GPC6: variants seen among roughly 807,000 people sequenced by gnomAD.
The protein encoded by GPC6 is glypican-6.
GPC6 carries 14 observed loss-of-function variants against 55.2 expected under a neutral mutation model. The ratio of observed to expected loss-of-function variants is 0.25; its 90% CI spans 0.17 to 0.40. The LOEUF is 0.40. Ranked by LOEUF, GPC6 falls within the 10% of genes least tolerant of loss-of-function variation. The probability of loss-of-function intolerance (pLI) is 1.00; values close to 1 mark genes in which losing one functional copy is unlikely to be tolerated. For synonymous variants in GPC6, 278 were observed against 259.6 expected, an observed-to-expected ratio of 1.07 and a Z score of -0.68; for missense variants, 641 against 708.5, an observed-to-expected ratio of 0.90 and a Z score of 1.08.
intron 4 of GPC6, among the ~76,000 whole-genome samples, chr13:94,032,349 TAGTC>T (rs1159154651): frequency 2.6e-5 from 4 of 152,300 alleles, no homozygotes; most frequent in African/African-American, 9.6e-5. Context: ...GGACTTAACT[TAGTC>T]AGCGGGGAGT....
At chr13:93,581,643 G>T (rs918067084) in intron 2 of GPC6, among the ~76,000 whole-genome samples, 2 of 152,136 alleles carry the variant, frequency 1.3e-5, no homozygotes, top group Non-Finnish European at 2.9e-5. Context: ...GGAGGAGATC[G>T]CAGTGAGCGA....
intron 3 of GPC6, among the ~76,000 whole-genome samples, chr13:93,892,081 C>T (rs1428625919): frequency 2.0e-5 from 3 of 152,000 alleles, no homozygotes; most frequent in African/African-American, 4.8e-5. Context: ...CACATGTACA[C>T]ACTACACATA....
chr13:93,559,675 G>C (rs532374724), intron 2 of GPC6, among the ~76,000 whole-genome samples: 42 of 152,304 alleles, frequency 2.8e-4, no homozygotes, highest in African/African-American at 9.9e-4. Context: ...TTATTAAGTA[G>C]CTATTGATTG....
At chr13:94,288,821 ATATATATTTGT>A (rs1435100393) in intron 5 of GPC6, among the ~76,000 whole-genome samples, 3 of 125,888 alleles carry the variant, frequency 2.4e-5, no homozygotes, top group Admixed American at 9.2e-5. Context: ...TATAATAAAT[ATATATATTTGT>A]TATATATAAC....
At chr13:93,473,827 A>G (rs991443766) in intron 1 of GPC6, among the ~76,000 whole-genome samples, 2 of 152,252 alleles carry the variant, frequency 1.3e-5, no homozygotes, top group South Asian at 4.1e-4. Flanking sequence ...GTGGCGACAC[A>G]GGGCCGAATC....
chr13:93,330,193 G>A (rs1055656090), intron 1 of GPC6, among the ~76,000 whole-genome samples: 1 of 152,178 alleles, frequency 6.6e-6, no homozygotes, highest in African/African-American at 2.4e-5. Flanking sequence ...CTCACTGAGT[G>A]CTATTAATAG....
At chr13:93,820,558 G>A (rs1372478123) in intron 2 of GPC6, among the ~76,000 whole-genome samples, 12 of 151,390 alleles carry the variant, frequency 7.9e-5, no homozygotes, top group Non-Finnish European at 4.4e-5. Flanking sequence ...GTTTTTGTAA[G>A]ATGTTAAAAG....
chr13:94,235,419 A>T (rs973648273), intron 4 of GPC6, among the ~76,000 whole-genome samples: 1 of 152,162 alleles, frequency 6.6e-6, no homozygotes, highest in South Asian at 2.1e-4. Context: ...TACCATCCTC[A>T]TTGAGCGGCC....
chr13:93,762,099 C>G (rs915689488), intron 2 of GPC6, among the ~76,000 whole-genome samples: 1 of 152,158 alleles, frequency 6.6e-6, no homozygotes, highest in Non-Finnish European at 1.5e-5. Context: ...TGATTTTTTA[C>G]ACCCCACACA....
At chr13:94,050,872 A>C (rs1883923485) in intron 4 of GPC6, among the ~76,000 whole-genome samples, 1 of 152,128 alleles carries the variant, frequency 6.6e-6, no homozygotes, top group African/African-American at 2.4e-5. Flanking sequence ...AGTAAGAGGC[A>C]ATTTGCAACT....
the GPC6 span, among the ~76,000 whole-genome samples, chr13:93,220,024 A>G: frequency 7.2e-3 from 1,101 of 152,370 alleles, 10 homozygotes; most frequent in African/African-American, 0.025. Context: ...AAATAAAAAC[A>G]ATATTTTATG....
chr13:93,561,179 A>C (rs79776059), intron 2 of GPC6, among the ~76,000 whole-genome samples: 4,205 of 152,106 alleles, frequency 0.028, 155 homozygotes, highest in East Asian at 0.12. Context: ...AAGCATATTG[A>C]TAGATAGCCA....
chr13:94,109,427 C>G (rs1886163684), intron 4 of GPC6, among the ~76,000 whole-genome samples: 1 of 151,048 alleles, frequency 6.6e-6, no homozygotes, highest in African/African-American at 2.4e-5. Context: ...TTTCTTAAGA[C>G]AGAAACTAGG....
chr13:94,322,871 G>A (rs1373137891), intron 6 of GPC6, among the ~76,000 whole-genome samples: 1 of 151,870 alleles, frequency 6.6e-6, no homozygotes, highest in African/African-American at 2.4e-5. Flanking sequence ...CCACCCAGAA[G>A]TCTGCCCAGG....
At chr13:93,718,631 TG>T (rs1346663581) in intron 2 of GPC6, among the ~76,000 whole-genome samples, 1 of 152,112 alleles carries the variant, frequency 6.6e-6, no homozygotes, top group African/African-American at 2.4e-5. Context: ...TTGCCAATTT[TG>T]GCTTTTGTTG....
intron 4 of GPC6, among the ~76,000 whole-genome samples, chr13:94,175,807 T>C (rs1888728724): frequency 6.7e-6 from 1 of 148,672 alleles, no homozygotes; most frequent in Non-Finnish European, 1.5e-5. Context: ...TTTAAAGTTA[T>C]ATATATCTTT....
At chr13:93,942,733 G>A (rs1878798741) in intron 3 of GPC6, among the ~76,000 whole-genome samples, 2 of 152,100 alleles carry the variant, frequency 1.3e-5, no homozygotes, top group South Asian at 4.1e-4. Flanking sequence ...CACAGGGAGG[G>A]GTACGAGTGC....
intron 1 of GPC6, among the ~76,000 whole-genome samples, chr13:93,324,790 T>C (rs1016110955): frequency 6.6e-6 from 1 of 151,968 alleles, no homozygotes; most frequent in Non-Finnish European, 1.5e-5. Context: ...ACATGGAATC[T>C]GGAAAAGGCA....
At chr13:93,654,045 T>C (rs1317700973) in intron 2 of GPC6, among the ~76,000 whole-genome samples, 1 of 152,168 alleles carries the variant, frequency 6.6e-6, no homozygotes, top group East Asian at 1.9e-4. Flanking sequence ...CATGTTGTTT[T>C]AGCTCATATA....
Sources: gnomAD v4.1 joint callset for allele counts (sites outside exome capture counted in the v4.1 genomes callset) on GRCh38, gnomAD v4.1.1 for gene constraint, MANE v1.5 for transcripts, NCBI Gene and HGNC (gene_info 2026-07-23, HGNC 2026-07-21) for gene names.